Variants in ABCD3 observed in about 807,000 individuals in gnomAD.
The protein encoded by ABCD3 is ATP binding cassette subfamily D member 3, also known as ATP-binding cassette sub-family D member 3.
ABCD3 carries 41 observed loss-of-function variants against 105.5 expected under a neutral mutation model. The observed-to-expected ratio is 0.39, with a 90% CI of 0.30 to 0.50. The LOEUF (loss-of-function observed/expected upper bound fraction) is 0.50. Ranked by LOEUF, ABCD3 falls within the 20% of genes least tolerant of loss-of-function variation. ABCD3 has a pLI of 0.84. For synonymous variants in ABCD3, 258 were observed against 269.0 expected, an observed-to-expected ratio of 0.96 and a Z score of 0.40; for missense variants, 622 against 806.3, an observed-to-expected ratio of 0.77 and a Z score of 2.77.
At chr1:94,446,053 G>T (rs575913667) in intron 1 of ABCD3, among the ~76,000 whole-genome samples, 1 of 152,086 alleles carries the variant, frequency 6.6e-6, no homozygotes, top group Non-Finnish European at 1.5e-5. Context: ...AAAGAATGTA[G>T]AAAAAATCAG....
At chr1:94,460,767 T>C (rs181731471) in intron 2 of ABCD3, among the ~76,000 whole-genome samples, 6 of 152,174 alleles carry the variant, frequency 3.9e-5, no homozygotes. Context: ...CTTTAGTCTC[T>C]GTAATATTTC....
Position 94,487,547 on chromosome 1 carries a change from A to G in ABCD3, c.903A>G (p.Glu301=), listed in dbSNP as rs769267714. ...TVHSVFRKLV[E]HLHNFILFRF... is the part of the protein sequence containing the mutation. ...TTGTTTTTGTTTTCTGCCAGGTGGA[A>G]CACCTACATAATTTCATTTTGTTTC... The change falls in exon 11 of 23, where the codon GAA becomes GAG. Residue 301 remains glutamate (E), a synonymous_variant. Coordinates refer to ENST00000370214, the MANE Select transcript of ABCD3 (RefSeq NM_002858.4). 6.2e-7 allele frequency: 1 copy of G among 1,613,598 alleles called. No homozygotes were observed. The highest frequency in any genetic ancestry group is 1.7e-5 in the Admixed American group (1 of 60,004).
chr1:94,491,009 A>G (rs1357008794), intron 15 of ABCD3, among the ~76,000 whole-genome samples, 175 bp from the exon 16 acceptor site: 1 of 152,030 alleles, frequency 6.6e-6, no homozygotes, highest in East Asian at 1.9e-4. Context: ...TTTCCTGATG[A>G]CTGAGATGTT....
intron 1 of ABCD3, among the ~76,000 whole-genome samples, chr1:94,431,957 G>A (rs923185693): frequency 4.6e-5 from 7 of 152,126 alleles, no homozygotes; most frequent in African/African-American, 1.7e-4. Context: ...AAGCAAGCAT[G>A]GGACAGAATA....
chr1:94,445,951 T>C (rs1660329516), intron 1 of ABCD3, among the ~76,000 whole-genome samples: 1 of 152,176 alleles, frequency 6.6e-6, no homozygotes, highest in South Asian at 2.1e-4. Context: ...GCTACTCTGC[T>C]AGCCCAAGCA....
At chr1:94,483,102 C>G in intron 9 of ABCD3, 68 bp from the exon 10 acceptor site, 2 of 1,014,048 alleles carry the variant, frequency 2.0e-6, no homozygotes, top group Non-Finnish European at 3.1e-6. Flanking sequence ...CCATCATATA[C>G]TGTATTTCAA....
intron 1 of ABCD3, among the ~76,000 whole-genome samples, chr1:94,453,065 G>A (rs564251323): frequency 3.9e-5 from 6 of 152,190 alleles, no homozygotes; most frequent in South Asian, 2.1e-4. Context: ...GTGTGAGCCC[G>A]CCCAAGTTTG....
chr1:94,500,746 C>T (rs1024665951), intron 20 of ABCD3, among the ~76,000 whole-genome samples: 1 of 152,090 alleles, frequency 6.6e-6, no homozygotes, highest in Admixed American at 6.6e-5. Flanking sequence ...CATACCCACT[C>T]TACATGAGGT....
At chr1:94,515,227 T>A (rs1650865094) in intron 22 of ABCD3, 25 bp downstream of exon 22, 1 of 1,563,598 alleles carries the variant, frequency 6.4e-7, no homozygotes, top group African/African-American at 1.4e-5. Flanking sequence ...CATTGAATGG[T>A]ACAGTGAAAT....
chr1:94,407,246 G>C, the ABCD3 span, among the ~76,000 whole-genome samples: 76 of 152,214 alleles, frequency 5.0e-4, no homozygotes, highest in African/African-American at 1.8e-3. Flanking sequence ...CACCTCCTGG[G>C]TTCAAGGGAT....
chr1:94,504,053 C>G (rs952719748), intron 20 of ABCD3, among the ~76,000 whole-genome samples: 20 of 151,830 alleles, frequency 1.3e-4, no homozygotes, highest in Non-Finnish European at 2.6e-4. Flanking sequence ...GCTGGGACTA[C>G]AGGCACGCAT....
At chr1:94,489,228 C>T (rs749444536) in intron 13 of ABCD3, among the ~76,000 whole-genome samples, 2 of 152,014 alleles carry the variant, frequency 1.3e-5, no homozygotes, top group Non-Finnish European at 2.9e-5. Flanking sequence ...ATCATCTTTC[C>T]CCTCTTCAGA....
chr1:94,496,713 T>G (rs1649822151), intron 16 of ABCD3, among the ~76,000 whole-genome samples: 1 of 138,118 alleles, frequency 7.2e-6, no homozygotes, highest in Admixed American at 7.5e-5. Context: ...TTTTTTTTTT[T>G]TTTTTTTTTT....
At chr1:94,419,199 C>CCTTT in intron 1 of ABCD3, 1 of 815,114 alleles carries the variant, frequency 1.2e-6, no homozygotes, top group Non-Finnish European at 1.5e-6. Context: ...GTCGGTGAAC[C>CCTTT]CTTTGGTCGG....
chr1:94,491,479 A>G (rs1395002425), intron 16 of ABCD3, among the ~76,000 whole-genome samples: 2 of 152,154 alleles, frequency 1.3e-5, no homozygotes, highest in African/African-American at 2.4e-5. Context: ...AGTTTATGTC[A>G]AGAAAGTCAT....
intron 1 of ABCD3, among the ~76,000 whole-genome samples, chr1:94,440,334 G>T (rs1327812463): frequency 6.6e-6 from 1 of 152,164 alleles, no homozygotes; most frequent in Admixed American, 6.5e-5. Context: ...TGAAAATACT[G>T]TTTACTATCT....
chr1:94,516,803 G>A (rs1322633307), intron 22 of ABCD3, among the ~76,000 whole-genome samples: 1 of 151,796 alleles, frequency 6.6e-6, no homozygotes, highest in Non-Finnish European at 1.5e-5. Flanking sequence ...GAGATTTCAA[G>A]CTGATTAGGA....
chr1:94,475,649 A>G lies in ABCD3; in HGVS notation c.539A>G (p.Asn180Ser). 1 of 1,612,392 alleles carries G rather than the reference A, an allele frequency of 6.2e-7. No homozygotes were observed. Among genetic ancestry groups the G allele is most frequent in the South Asian group, 1.1e-5 (1 of 91,032 alleles). The change falls in exon 7 of 23, where the codon AAC (asparagine) becomes AGC (serine). Residue 180 changes from asparagine to serine, a missense_variant. Around this residue, in one of 4 missense-constraint regions of ABCD3, gnomAD observed 245 missense variants for 356.4 expected, o/e 0.69. Coordinates refer to ENST00000370214, the MANE Select transcript of ABCD3 (RefSeq NM_002858.4). ...FTYYKMGNLDNRIANPDQLLT... is the reference protein window; with the variant it reads ...FTYYKMGNLDSRIANPDQLLT... ...TATTATAAAATGGGGAATCTGGACA[A>G]CAGAATAGCTAATCCAGACCAGCTG...
At chr1:94,484,577 A>C (rs1244110408) in intron 10 of ABCD3, among the ~76,000 whole-genome samples, 9 of 152,074 alleles carry the variant, frequency 5.9e-5, no homozygotes, top group Admixed American at 1.3e-4. Context: ...ATAGGTGGGA[A>C]TTGAACAATG....
Sources: allele counts gnomAD v4.1 joint callset (sites outside exome capture counted in the v4.1 genomes callset), GRCh38; gene constraint gnomAD v4.1.1; regional missense constraint gnomAD v4.1.1; transcripts MANE v1.5; gene names NCBI Gene and HGNC (gene_info 2026-07-23, HGNC 2026-07-21).